Variants in ARID3C observed in about 807,000 individuals in gnomAD.
ARID3C encodes AT-rich interaction domain 3C.
In ARID3C, 42 loss-of-function variants were observed where a neutral mutation model predicts 37.9. The observed-to-expected ratio is 1.11, with a 90% CI of 0.87 to 1.43. ARID3C has a LOEUF of 1.43. ARID3C is among the 40% of genes most tolerant of loss of function. The pLI is 0.00. For missense variants in ARID3C, 581 were observed against 548.8 expected, an observed-to-expected ratio of 1.06 and a Z score of -0.59; for synonymous variants, 213 against 228.0, an observed-to-expected ratio of 0.93 and a Z score of 0.59.
chr9:34,631,781 G>T (rs1334158700), upstream of ARID3C, among the ~76,000 whole-genome samples: 1 of 152,208 alleles, frequency 6.6e-6, no homozygotes, highest in Non-Finnish European at 1.5e-5. Flanking sequence ...CTGACTCATT[G>T]TCCTCTAAGG....
upstream of ARID3C, among the ~76,000 whole-genome samples, chr9:34,632,680 G>T (rs1374045558): frequency 6.6e-6 from 1 of 152,132 alleles, no homozygotes; most frequent in African/African-American, 2.4e-5. Context: ...ATGATGGATT[G>T]GATGTGGGAC....
chr9:34,624,165 G>C, intron 2 of ARID3C, 118 bp from the exon 4 acceptor site: 1 of 1,222,822 alleles, frequency 8.2e-7, no homozygotes. Flanking sequence ...GACTTGGGCG[G>C]AGCCCACAGA....
At chr9:34,632,551 G>C (rs554079134), upstream of ARID3C, among the ~76,000 whole-genome samples, 2 of 152,268 alleles carry the variant, frequency 1.3e-5, no homozygotes, top group East Asian at 3.9e-4. Context: ...ATCAGTTAGG[G>C]GGCCATTGCA....
intron 4 of ARID3C, among the ~76,000 whole-genome samples, chr9:34,623,003 G>A (rs1354517048): frequency 6.6e-6 from 1 of 151,772 alleles, no homozygotes; most frequent in African/African-American, 2.4e-5. Flanking sequence ...AAAATTAGCC[G>A]GGCATGGTGG....
At position 34,627,968 on chromosome 9, in the gene ARID3C, AC is replaced by A; in HGVS notation, c.46del (p.Val16TrpfsTer119). ...CGGGCATGCAGGGGCCAATGGCCCCACCCCCTGGGCCAGCCGAGCTGCCTGC... is the reference window on the plus strand; with the variant it reads ...CGGGCATGCAGGGGCCAATGGCCCCACCCCTGGGCCAGCCGAGCTGCCTGC... On this transcript the variant is annotated frameshift_variant, in exon 1 of 7. Transcript: ENST00000378909. LOFTEE classifies it high-confidence loss of function. The A allele has an allele frequency of 6.5e-7, 1 of 1,536,534 alleles. No homozygotes were observed.
In ARID3C at chr9:34,623,825, C is replaced by G. The variant is rs761310010; in HGVS notation, c.575+39G>C. The G allele has an allele frequency of 2.0e-6, 3 of 1,531,288 alleles. No homozygotes were observed. In the African/African-American group the frequency reaches 4.1e-5, roughly 21 times the overall value. 94.9% of individuals were successfully genotyped at this position (1,531,288 alleles called of 1,614,324 possible). The stretch of plus-strand genomic sequence containing the variant: ...TCCCCCCTCCCGCCCCAGGCCGAAC[C>G]CGTGCCCCCTTCCCTTCCGCTCCCG... On this transcript the variant is annotated intron_variant, in intron 3 of 6. Transcript: ENST00000378909.
intron 2 of ARID3C, among the ~76,000 whole-genome samples, chr9:34,625,210 C>T (rs577394686): frequency 3.9e-5 from 6 of 152,238 alleles, no homozygotes; most frequent in Non-Finnish European, 7.4e-5. Context: ...GATGGACTGC[C>T]GCCCACCCTG....
chr9:34,621,419 A>T (rs764953808), exon 7 of ARID3C: 1 of 1,374,516 alleles, frequency 7.3e-7, no homozygotes, highest in African/African-American at 1.5e-5. Flanking sequence ...CTCCCCCCTC[A>T]GCAATGGGGC....
chr9:34,623,940 T>C, exon 3 of ARID3C: 1 of 1,606,430 alleles, frequency 6.2e-7, no homozygotes. Flanking sequence ...CGCCACACTT[T>C]GCGGTTGATG....
At chr9:34,621,875 A>T in intron 6 of ARID3C, 145 bp downstream of exon 7, 1 of 824,326 alleles carries the variant, frequency 1.2e-6, no homozygotes, top group Non-Finnish European at 2.0e-6. Flanking sequence ...AACCCATGCC[A>T]GTCTAGCAAT....
chr9:34,622,497 G>A (rs1451314690), exon 5 of ARID3C: 4 of 1,610,934 alleles, frequency 2.5e-6, no homozygotes, highest in East Asian at 2.2e-5. Context: ...CCCACAGGCA[G>A]TGCCAGACAA....
exon 1 of ARID3C, chr9:34,627,835 C>T: frequency 6.2e-7 from 1 of 1,610,010 alleles, no homozygotes; most frequent in South Asian, 1.1e-5. Context: ...CCCGCTTCTC[C>T]TCATCTTCTT....
upstream of ARID3C, among the ~76,000 whole-genome samples, chr9:34,631,316 G>A (rs1237568713): frequency 6.6e-6 from 1 of 152,142 alleles, no homozygotes; most frequent in African/African-American, 2.4e-5. Context: ...CCACTTTTGG[G>A]GTCTGGGCCA....
Position 34,627,975 on chromosome 9 carries a change from G to A in ARID3C, c.40C>T (p.Gln14Ter), listed in dbSNP as rs1820681708. The A allele has an allele frequency of 1.3e-6, 2 of 1,526,532 alleles. No homozygotes were observed. Among genetic ancestry groups the A allele is most frequent in the Non-Finnish European group, 1.8e-6 (2 of 1,134,516 alleles). 94.6% of individuals were successfully genotyped at this position (1,526,532 alleles called of 1,614,324 possible). The stretch of plus-strand genomic sequence containing the variant: ...GCAGGGGCCAATGGCCCCACCCCCT[G>A]GGCCAGCCGAGCTGCCTGCTGCTTC... The change falls in exon 1 of 7, where the codon CAG becomes TAG. Residue 14 changes from glutamine (Q) to a stop codon, truncating the protein, a stop_gained. Transcript: ENST00000378909. LOFTEE classifies it high-confidence loss of function.
upstream of ARID3C, among the ~76,000 whole-genome samples, chr9:34,632,962 C>T (rs1820735494): frequency 6.6e-6 from 1 of 152,008 alleles, no homozygotes; most frequent in Admixed American, 6.6e-5. Flanking sequence ...ATGGTAAAGT[C>T]ACAGAATCAC....
At chr9:34,625,961 C>T in intron 1 of ARID3C, 147 bp from the exon 3 acceptor site, 2 of 899,156 alleles carry the variant, frequency 2.2e-6, no homozygotes, top group Admixed American at 5.2e-5. Flanking sequence ...GCATTAGGCT[C>T]TCTCCGCCTA....
downstream of ARID3C, chr9:34,621,328 C>T (rs999014061): frequency 9.8e-6 from 6 of 609,274 alleles, no homozygotes; most frequent in South Asian, 3.0e-5. Flanking sequence ...GTTTTAAGTC[C>T]ACATGGCATG....
At chr9:34,621,599 C>G in intron 6 of ARID3C, 41 bp from the exon 8 acceptor site, 10 of 1,422,266 alleles carry the variant, frequency 7.0e-6, no homozygotes, top group Non-Finnish European at 9.6e-6. Context: ...CAAAAACAAG[C>G]AGGAGGGGGT....
At chr9:34,627,630 C>A (rs1820673235) in intron 1 of ARID3C, 67 bp downstream of exon 2, 1 of 1,467,800 alleles carries the variant, frequency 6.8e-7, no homozygotes, top group African/African-American at 1.4e-5. Flanking sequence ...TGCTAATCAC[C>A]TGGCTGTGCT....
Sources: allele counts gnomAD v4.1 joint callset (sites outside exome capture counted in the v4.1 genomes callset), GRCh38; gene constraint gnomAD v4.1.1; transcripts MANE v1.5; gene names NCBI Gene and HGNC (gene_info 2026-07-23, HGNC 2026-07-21).